The following DMD variants were observed in gnomAD, a reference collection of about 807,000 sequenced individuals.
DMD encodes mutant dystrophin.
In DMD, 63 loss-of-function variants were observed where a neutral mutation model predicts 330.1. That is an observed-to-expected ratio of 0.19 (90% CI 0.16 to 0.24). The LOEUF is 0.24. DMD is among the 10% of genes least tolerant of loss of function. The probability of loss-of-function intolerance (pLI) is 1.00; values close to 1 mark genes in which losing one functional copy is unlikely to be tolerated. For synonymous variants in DMD, 1,223 were observed against 959.8 expected (o/e 1.27, Z -5.07); for missense variants, 3,344 against 2,684.1 (o/e 1.25, Z -5.43).
intron 25 of DMD, among the ~76,000 whole-genome samples, chrX:32,456,908 T>G (rs1279392260): frequency 1.0e-5 from 1 of 99,299 alleles, no homozygotes; most frequent in Non-Finnish European, 2.0e-5. Flanking sequence ...AGGTGTTGAG[T>G]GGGCAAATGG....
At chrX:32,490,464 G>A (rs1268847066) in intron 20 of DMD, among the ~76,000 whole-genome samples, 3 of 111,159 alleles carry the variant, frequency 2.7e-5, no homozygotes, top group African/African-American at 9.8e-5. Context: ...CTCTTCTCCT[G>A]TTACCCAGGA....
chrX:31,291,442 AC>A (rs2053689354), intron 62 of DMD, among the ~76,000 whole-genome samples: 2 of 111,671 alleles, frequency 1.8e-5, no homozygotes, highest in Admixed American at 1.9e-4. Flanking sequence ...CCATTAACTT[AC>A]GCTTCGCTAG....
chrX:32,165,306 G>A (rs1440562839), intron 44 of DMD, among the ~76,000 whole-genome samples: 1 of 112,641 alleles, frequency 8.9e-6, no homozygotes, highest in Non-Finnish European at 1.9e-5. Flanking sequence ...CAGGGGTGGA[G>A]CTTACCAAGA....
At chrX:31,389,340 A>AC (rs1285300496) in intron 60 of DMD, among the ~76,000 whole-genome samples, 5 of 112,414 alleles carry the variant, frequency 4.4e-5, no homozygotes, top group African/African-American at 1.6e-4. Context: ...AAGCACTTGT[A>AC]CCATTATTTT....
Position 32,483,164 on chromosome X carries a change from T to TATAC in DMD, c.2803+1754_2803+1755insGTAT, listed in dbSNP as rs1481445275. Among the ~76,000 whole-genome samples, 66 of 61,623 alleles carry TATAC rather than the reference T, an allele frequency of 1.1e-3. 4 individuals are homozygous for TATAC. Among genetic ancestry groups the TATAC allele is most frequent in the Middle Eastern group, 0.02 (2 of 102 alleles). The allele number at this position is 61,623 out of a possible 115,157, so 53.5% of individuals were successfully genotyped here. A position where few individuals can be genotyped will look rare whatever the true frequency, so the allele number is the denominator to read the frequency against. On this transcript the variant is annotated intron_variant, in intron 21 of 78. Coordinates refer to ENST00000357033, the MANE Select transcript of DMD (RefSeq NM_004006.3). ...TTCATTCCATATATATATATATATA[T>TATAC]ACACCATATTTAATTAAAGGGTTAT...
At position 32,727,908 on chromosome X, in the gene DMD, T is replaced by C. The variant is rs2067079254; in HGVS notation, c.650-28615A>G. On this transcript the variant is annotated intron_variant, in intron 7 of 78. Coordinates refer to ENST00000357033, the MANE Select transcript of DMD (RefSeq NM_004006.3). ...ACTTTTGTTTTTAATTTAACTTTTT[T>C]TGTAATTTAATCTCCATAGTTTATA... Among the ~76,000 whole-genome samples the C allele has an allele frequency of 3.6e-5, 4 of 111,862 alleles. No homozygotes were observed. The South Asian group carries it at 1.1e-3, about 30-fold the overall frequency.
chrX:31,295,164 T>C (rs1277519033), intron 62 of DMD, among the ~76,000 whole-genome samples: 2 of 108,377 alleles, frequency 1.8e-5, no homozygotes, highest in Admixed American at 2.0e-4. Flanking sequence ...CCTGGCTAAT[T>C]TTTTGTATTT....
intron 2 of DMD, among the ~76,000 whole-genome samples, chrX:32,921,180 T>C (rs1471797365): frequency 8.9e-6 from 1 of 111,917 alleles, no homozygotes; most frequent in Non-Finnish European, 1.9e-5. Context: ...CAATTAGCTA[T>C]AGTGATAAAT....
At chrX:32,799,167 G>GGA (rs1180492657) in intron 7 of DMD, among the ~76,000 whole-genome samples, 2 of 111,090 alleles carry the variant, frequency 1.8e-5, no homozygotes, top group African/African-American at 6.5e-5. Context: ...GCTAATTCTT[G>GGA]GAAAAGAAGG....
intron 44 of DMD, among the ~76,000 whole-genome samples, chrX:32,178,193 A>G (rs1389105762): frequency 4.2e-5 from 3 of 70,601 alleles, no homozygotes; most frequent in Non-Finnish European, 7.8e-5. Context: ...AAGTCTCAAG[A>G]CCATTTTTTT....
chrX:33,045,871 G>A, intron 1 of DMD, among the ~76,000 whole-genome samples: 1 of 111,533 alleles, frequency 9.0e-6, no homozygotes, highest in South Asian at 3.8e-4. Flanking sequence ...ATGTGTCGGT[G>A]CTTGAGAAGG....
At chrX:31,765,903 C>T (rs769662813) in intron 51 of DMD, among the ~76,000 whole-genome samples, 7 of 110,148 alleles carry the variant, frequency 6.4e-5, no homozygotes, top group African/African-American at 9.9e-5. Context: ...ATTTGTTGAA[C>T]GAAGGAATGA....
intron 55 of DMD, among the ~76,000 whole-genome samples, chrX:31,575,667 C>T (rs1259309329): frequency 8.9e-6 from 1 of 112,022 alleles, no homozygotes; most frequent in Non-Finnish European, 1.9e-5. Flanking sequence ...TATTGTAAGG[C>T]ATTTCAAATC....
In DMD at chrX:33,195,728, T is replaced by C. The variant is rs997141670; in HGVS notation, c.31+15554A>G. Among the ~76,000 whole-genome samples, 5 of 41,824 alleles carry C rather than the reference T, an allele frequency of 1.2e-4. No individual in the cohort carries two copies. In the Admixed American group the frequency reaches 1.6e-3, roughly 13 times the overall value. The allele number at this position is 41,824 out of a possible 115,157, so 36.3% of individuals were successfully genotyped here. ...TACTTAGGATTATCCCATCCTGTTCTATTTTGTGTGTGTGTGTGTGTGTGT... is the reference window on the plus strand; with the variant it reads ...TACTTAGGATTATCCCATCCTGTTCCATTTTGTGTGTGTGTGTGTGTGTGT... On this transcript the variant is annotated intron_variant, in intron 1 of 78. Transcript: ENST00000357033.
intron 4 of DMD, among the ~76,000 whole-genome samples, chrX:32,827,065 C>G (rs56342103): frequency 1.4e-5 from 1 of 68,986 alleles, no homozygotes; most frequent in Non-Finnish European, 2.6e-5. Flanking sequence ...CACCCCCCCC[C>G]CACACACACA....
chrX:31,943,924 AGAG>A (rs1569519634), intron 45 of DMD, among the ~76,000 whole-genome samples: 47 of 102,192 alleles, frequency 4.6e-4, no homozygotes, highest in African/African-American at 1.5e-3. Context: ...AGAGAGAGAG[AGAG>A]AAAAGGGAAC....
chrX:32,109,031 A>T (rs2146600641), intron 44 of DMD, among the ~76,000 whole-genome samples: 1 of 112,242 alleles, frequency 8.9e-6, no homozygotes, highest in African/African-American at 3.2e-5. Context: ...ATATTAAAGA[A>T]GATATTTATA....
In DMD at chrX:33,248,064, T is replaced by C. The variant is rs1028920326; in HGVS notation, c.7+91195A>G. Among the ~76,000 whole-genome samples, 11 of 111,489 alleles carry C rather than the reference T, an allele frequency of 9.9e-5. No homozygotes were observed. The Admixed American group carries it at 1.1e-3, about 11-fold the overall frequency. On this transcript the variant is annotated intron_variant, in intron 1 of 17. Coordinates refer to the DMD transcript ENST00000288447. Reference sequence around the variant, plus strand: ...TATTTACTTATTTATTTTTTTGAGATGGAGCCTCGCTCTGTGGCCCAGGCT... The same window carrying C: ...TATTTACTTATTTATTTTTTTGAGACGGAGCCTCGCTCTGTGGCCCAGGCT...
intron 1 of DMD, among the ~76,000 whole-genome samples, chrX:33,180,309 T>G (rs2049923035): frequency 8.9e-6 from 1 of 111,881 alleles, no homozygotes; most frequent in African/African-American, 3.3e-5. Context: ...TCTAAATATT[T>G]ATTTTACAAA....
Sources: allele counts gnomAD v4.1 joint callset (sites outside exome capture counted in the v4.1 genomes callset), GRCh38; gene constraint gnomAD v4.1.1; transcripts MANE v1.5; gene names NCBI Gene and HGNC (gene_info 2026-07-23, HGNC 2026-07-21).